The following CMTM8 variants were observed in gnomAD, a reference collection of about 807,000 sequenced individuals.
CMTM8 encodes the protein CKLF like MARVEL transmembrane domain containing 8.
A neutral mutation model predicts 18.6 loss-of-function variants in CMTM8; 12 were observed. The observed-to-expected ratio is 0.65, with a 90% confidence interval of 0.41 to 1.05. CMTM8 has a LOEUF of 1.05. Among genes scored for constraint, CMTM8 ranks in the 50% least tolerant of loss-of-function variants. CMTM8 has a pLI of 0.00. For synonymous variants in CMTM8, 87 were observed against 90.6 expected (o/e 0.96, Z 0.23); for missense variants, 217 against 227.2 (o/e 0.95, Z 0.29).
intron 1 of CMTM8, among the ~76,000 whole-genome samples, chr3:32,246,790 A>G (rs910540889): frequency 2.0e-5 from 3 of 152,244 alleles, no homozygotes; most frequent in Admixed American, 2.0e-4. Flanking sequence ...ATAAGAGGGT[A>G]TATGAATCTT....
At chr3:32,345,158 G>A (rs61512142) in intron 1 of CMTM8, among the ~76,000 whole-genome samples, 13,522 of 152,072 alleles carry the variant, frequency 0.089, 838 homozygotes, top group East Asian at 0.26. Context: ...AGCCTGGGCA[G>A]CATGGCAAGA....
rs190992734 is a variant in CMTM8, at chr3:32,320,575, C to A, written c.148-36798C>A. On this transcript the variant is annotated intron_variant, in intron 1 of 3. Coordinates refer to ENST00000307526, the MANE Select transcript of CMTM8 (RefSeq NM_178868.5). ...GATTGTGATGATGGCTATGAATACA[C>A]TAAAATCTATTGTGTACTTTAAGTG... Among the ~76,000 whole-genome samples the A allele has an allele frequency of 6.3e-4, 96 of 152,276 alleles. 1 individual carries two copies. The highest frequency in any genetic ancestry group is 2.3e-3 in the African/African-American group (94 of 41,550).
intron 1 of CMTM8, among the ~76,000 whole-genome samples, chr3:32,249,167 G>A (rs935448246): frequency 1.0e-4 from 15 of 148,548 alleles, no homozygotes; most frequent in Admixed American, 6.8e-4. Context: ...CGTGGCTCAC[G>A]CCTGTAATCC....
intron 1 of CMTM8, among the ~76,000 whole-genome samples, chr3:32,341,666 C>T (rs1345319118): frequency 4.6e-5 from 7 of 151,826 alleles, no homozygotes; most frequent in Non-Finnish European, 1.0e-4. Flanking sequence ...CACCTGAGGT[C>T]AGGAGTTCAA....
chr3:32,255,467 A>G (rs779926515), intron 1 of CMTM8, among the ~76,000 whole-genome samples: 2 of 152,304 alleles, frequency 1.3e-5, no homozygotes, highest in East Asian at 1.9e-4. Context: ...CTGAACAACT[A>G]TTTAGACTTA....
intron 1 of CMTM8, among the ~76,000 whole-genome samples, chr3:32,301,911 C>T (rs760133458): frequency 5.9e-5 from 9 of 151,784 alleles, no homozygotes; most frequent in Non-Finnish European, 1.0e-4. Flanking sequence ...AAATGAAAAG[C>T]TTGAATTCAT....
At chr3:32,334,136 G>C (rs934887672) in intron 1 of CMTM8, among the ~76,000 whole-genome samples, 1 of 151,588 alleles carries the variant, frequency 6.6e-6, no homozygotes, top group Non-Finnish European at 1.5e-5. Flanking sequence ...GCACCACCAT[G>C]CCCAGCTAAT....
chr3:32,365,313 A>AAG lies in CMTM8; in HGVS notation c.322-2553_322-2552dup, dbSNP rs1485718260. On this transcript the variant is annotated intron_variant, in intron 2 of 3. Transcript: ENST00000307526. ...TAAGCCGGTATTTGAGAAAAAAAAA[A>AAG]AGAGAGAAAGAGAACATTTTTATAC... Among the ~76,000 whole-genome samples the AAG allele has an allele frequency of 2.0e-5, 3 of 151,970 alleles. No homozygotes were observed. The East Asian group carries it at 5.8e-4, about 29-fold the overall frequency.
chr3:32,268,591 A>AT (rs5847750), intron 1 of CMTM8, among the ~76,000 whole-genome samples: 137 of 1,510 alleles, frequency 0.091, no homozygotes, highest in African/African-American at 0.13. Context: ...CTTAAAGTAT[A>AT]AAAAAAAAAA....
chr3:32,265,319 A>G (rs1390535463), intron 1 of CMTM8, among the ~76,000 whole-genome samples: 1 of 152,218 alleles, frequency 6.6e-6, no homozygotes, highest in Non-Finnish European at 1.5e-5. Context: ...CCGCTCAACT[A>G]CATGGAAACT....
At chr3:32,356,185 A>G (rs1696811270) in intron 1 of CMTM8, among the ~76,000 whole-genome samples, 1 of 152,200 alleles carries the variant, frequency 6.6e-6, no homozygotes, top group Non-Finnish European at 1.5e-5. Context: ...CCTCTTGATT[A>G]GAGTTACTTT....
chr3:32,299,665 T>G (rs1037075022), intron 1 of CMTM8, among the ~76,000 whole-genome samples: 8 of 152,174 alleles, frequency 5.3e-5, no homozygotes, highest in Non-Finnish European at 1.0e-4. Context: ...AATTTATAAT[T>G]AAATTATCAT....
At chr3:32,322,763 G>A (rs1016759760) in intron 1 of CMTM8, among the ~76,000 whole-genome samples, 2 of 152,210 alleles carry the variant, frequency 1.3e-5, no homozygotes, top group African/African-American at 2.4e-5. Flanking sequence ...CCGAGTTGCT[G>A]TAAGTCTGTC....
intron 1 of CMTM8, among the ~76,000 whole-genome samples, chr3:32,347,370 G>A (rs1228857513): frequency 6.7e-6 from 1 of 148,870 alleles, no homozygotes; most frequent in East Asian, 2.1e-4. Flanking sequence ...GCAGCTGGCT[G>A]GCTGGACCAG....
intron 1 of CMTM8, among the ~76,000 whole-genome samples, chr3:32,315,290 C>G (rs953747938): frequency 6.6e-6 from 1 of 152,102 alleles, no homozygotes; most frequent in African/African-American, 2.4e-5. Context: ...CCACCACACC[C>G]AGCTAATTTT....
chr3:32,353,228 A>G (rs1335236652), intron 1 of CMTM8, among the ~76,000 whole-genome samples: 2 of 152,200 alleles, frequency 1.3e-5, no homozygotes, highest in African/African-American at 2.4e-5. Context: ...TCCTGGCCTC[A>G]AGTGATCCGC....
At chr3:32,290,154 A>G (rs1454508439) in intron 1 of CMTM8, among the ~76,000 whole-genome samples, 1 of 152,192 alleles carries the variant, frequency 6.6e-6, no homozygotes, top group Non-Finnish European at 1.5e-5. Context: ...GTCATTATTC[A>G]TAATCATATT....
rs116167515 is a variant in CMTM8, at chr3:32,289,620, G to A, written c.147+50501G>A. ...TATTAGCAGTGATGCCAGTATGCTA[G>A]TATATTAACAAGAAAGCCAGTCTAA... On this transcript the variant is annotated intron_variant, in intron 1 of 3. Transcript: ENST00000307526. Among the ~76,000 whole-genome samples, 366 of 152,334 alleles carry A rather than the reference G, an allele frequency of 2.4e-3. 3 individuals carry two copies. Among genetic ancestry groups the A allele is most frequent in the Non-Finnish European group, 4.1e-3 (279 of 68,034 alleles).
intron 1 of CMTM8, among the ~76,000 whole-genome samples, chr3:32,329,910 A>G (rs1171290025): frequency 2.0e-5 from 3 of 152,232 alleles, no homozygotes; most frequent in Admixed American, 2.0e-4. Flanking sequence ...TGCAGGATAC[A>G]AATTCAACAC....
Sources: allele counts gnomAD v4.1 joint callset (sites outside exome capture counted in the v4.1 genomes callset), GRCh38; gene constraint gnomAD v4.1.1; transcripts MANE v1.5; gene names NCBI Gene and HGNC (gene_info 2026-07-23, HGNC 2026-07-21).